Variants in CRACR2A observed in about 807,000 individuals in gnomAD.
CRACR2A encodes the protein calcium release activated channel regulator 2A, also known as EF-hand calcium-binding domain-containing protein 4B.
In CRACR2A, 79 loss-of-function variants were observed where a neutral mutation model predicts 90.5. The ratio of observed to expected loss-of-function variants is 0.87; its 90% CI spans 0.73 to 1.05. The LOEUF is 1.05. CRACR2A is among the 50% of genes least tolerant of loss of function. The probability of loss-of-function intolerance (pLI) is 0.00; values close to 1 mark genes in which losing one functional copy is unlikely to be tolerated. For synonymous variants in CRACR2A, 338 were observed against 356.7 expected (o/e 0.95, Z 0.59); for missense variants, 823 against 897.2 (o/e 0.92, Z 1.06).
chr12:3,649,447 C>T (rs752273228), intron 10 of CRACR2A, among the ~76,000 whole-genome samples: 1 of 152,162 alleles, frequency 6.6e-6, no homozygotes, highest in Admixed American at 6.5e-5. Flanking sequence ...GGAAGAATCA[C>T]CTTCTCTTTC....
intron 3 of CRACR2A, among the ~76,000 whole-genome samples, chr12:3,704,057 T>G (rs535002390): frequency 6.6e-6 from 1 of 152,382 alleles, no homozygotes; most frequent in Admixed American, 6.5e-5. Flanking sequence ...CCAGCCATCC[T>G]AGTCCTAAAT....
At chr12:3,697,086 G>T in intron 3 of CRACR2A, 51 bp from the exon 4 acceptor site, 1 of 1,499,988 alleles carries the variant, frequency 6.7e-7, no homozygotes, top group Non-Finnish European at 8.9e-7. Flanking sequence ...TTGGAGTGAG[G>T]CTGAAAAAGA....
chr12:3,659,663 G>A lies in CRACR2A; in HGVS notation c.672-9C>T, dbSNP rs1170621469. ...CATAAGCAGCAATTTTCCTACAGAG[G>A]TGGCAAAAGGAGAGTCTCATTGAGG... On this transcript the variant is annotated splice_polypyrimidine_tract_variant and intron_variant, in intron 7 of 19. Coordinates refer to ENST00000440314, the MANE Select transcript of CRACR2A (RefSeq NM_001144958.2). 2 of 1,612,886 alleles carry A rather than the reference G, an allele frequency of 1.2e-6. No homozygotes were observed. Among genetic ancestry groups the A allele is most frequent in the African/African-American group, 1.3e-5 (1 of 74,892 alleles).
intron 18 of CRACR2A, among the ~76,000 whole-genome samples, chr12:3,618,489 G>A (rs1211725517): frequency 6.6e-6 from 1 of 152,164 alleles, no homozygotes; most frequent in Non-Finnish European, 1.5e-5. Flanking sequence ...TTGTGGACAT[G>A]TAACTGTCTA....
At position 3,617,112 on chromosome 12, in the gene CRACR2A, AT is replaced by A. The variant is rs1286041294; in HGVS notation, c.2035-83del. 3 of 999,178 alleles carry A rather than the reference AT, an allele frequency of 3.0e-6. No homozygotes were observed. The African/African-American group carries it at 4.8e-5, about 16-fold the overall frequency. The allele number at this position is 999,178 out of a possible 1,614,324, so 61.9% of individuals were successfully genotyped here. A position where few individuals can be genotyped will look rare whatever the true frequency, so the allele number is the denominator to read the frequency against. ...GGGTGGTGGGAGAGCCCCCTTGTGC[AT>A]CTACCTACAGCCTTCACTTCCTCTC... On this transcript the variant is annotated intron_variant, in intron 18 of 19. Transcript: ENST00000440314.
chr12:3,704,529 T>C (rs746627237), intron 3 of CRACR2A, among the ~76,000 whole-genome samples: 1 of 152,156 alleles, frequency 6.6e-6, no homozygotes, highest in Non-Finnish European at 1.5e-5. Context: ...CAAATGTATA[T>C]TAAAACTGAT....
chr12:3,734,359 C>T (rs551287420), intron 1 of CRACR2A, among the ~76,000 whole-genome samples: 2 of 152,234 alleles, frequency 1.3e-5, no homozygotes, highest in African/African-American at 4.8e-5. Context: ...ATGTACCAGA[C>T]ACTTTGCTGG....
At chr12:3,655,941 C>G (rs1260272072) in intron 9 of CRACR2A, among the ~76,000 whole-genome samples, 3 of 152,178 alleles carry the variant, frequency 2.0e-5, no homozygotes. Context: ...GCAGCCTCCC[C>G]CCAGATATAG....
chr12:3,653,638 T>G (rs188889733), intron 10 of CRACR2A, among the ~76,000 whole-genome samples: 167 of 152,256 alleles, frequency 1.1e-3, no homozygotes, highest in African/African-American at 3.9e-3. Context: ...GATGTGGGGT[T>G]TCCCCCTACT....
At position 3,619,348 on chromosome 12, in the gene CRACR2A, C is replaced by G. The variant is rs573363304; in HGVS notation, c.1957G>C (p.Val653Leu). Residue 653 changes from valine (V) to leucine (L), a missense_variant, in exon 18 of 20, where the codon GTT (valine) becomes CTT (leucine). Coordinates refer to ENST00000440314, the MANE Select transcript of CRACR2A (RefSeq NM_001144958.2). ...VEEAVGDRVP[V>L]LLLGNKLDNE... The stretch of plus-strand genomic sequence containing the variant: ...TCAAGCTTATTACCCAGCAGAAGAA[C>G]AGGCACCCGGTCTCCCACAGCTTCC... 2 of 1,551,722 alleles carry G rather than the reference C, an allele frequency of 1.3e-6. No individual in the cohort carries two copies. The highest frequency in any genetic ancestry group is 1.2e-5 in the South Asian group (1 of 84,066).
chr12:3,733,413 A>T (rs1455584367), intron 1 of CRACR2A, among the ~76,000 whole-genome samples: 1 of 152,226 alleles, frequency 6.6e-6, no homozygotes, highest in Non-Finnish European at 1.5e-5. Flanking sequence ...TCATCCAGCC[A>T]AAACAATGCA....
intron 3 of CRACR2A, 36 bp from the exon 4 acceptor site, chr12:3,697,071 G>A: frequency 1.3e-6 from 2 of 1,518,544 alleles, no homozygotes; most frequent in South Asian, 1.2e-5. Flanking sequence ...AGTGGGTGTG[G>A]TGGGTTGGAG....
At chr12:3,669,965 C>T (rs1013186038) in intron 7 of CRACR2A, among the ~76,000 whole-genome samples, 3 of 152,220 alleles carry the variant, frequency 2.0e-5, no homozygotes, top group Non-Finnish European at 2.9e-5. Flanking sequence ...AAATTAGAGG[C>T]TATGCTGCCC....
intron 7 of CRACR2A, among the ~76,000 whole-genome samples, chr12:3,667,482 C>T (rs1354156728): frequency 6.6e-6 from 1 of 152,164 alleles, no homozygotes; most frequent in Non-Finnish European, 1.5e-5. Flanking sequence ...GGCTTGACTC[C>T]CATTCCCCCA....
intron 3 of CRACR2A, among the ~76,000 whole-genome samples, chr12:3,704,947 A>G (rs61908573): frequency 6.6e-6 from 1 of 152,192 alleles, no homozygotes; most frequent in African/African-American, 2.4e-5. Context: ...CCAGTGGAAA[A>G]CAAAACAGCA....
chr12:3,666,364 T>TGTGTGTGC (rs765943563), intron 7 of CRACR2A, among the ~76,000 whole-genome samples: 4 of 149,600 alleles, frequency 2.7e-5, no homozygotes, highest in South Asian at 4.3e-4. Context: ...TGCGTGCGTG[T>TGTGTGTGC]GCGCGTGCGC....
intron 4 of CRACR2A, among the ~76,000 whole-genome samples, chr12:3,686,167 A>G (rs1945549578): frequency 6.6e-6 from 1 of 152,244 alleles, no homozygotes; most frequent in Admixed American, 6.5e-5. Flanking sequence ...AAGTTAATTT[A>G]CTATAAAAAT....
chr12:3,635,360 C>T (rs974382295), intron 14 of CRACR2A, among the ~76,000 whole-genome samples: 10 of 152,042 alleles, frequency 6.6e-5, no homozygotes, highest in Admixed American at 5.9e-4. Flanking sequence ...CACCCTCCCT[C>T]CCTTCATGCT....
chr12:3,709,915 T>C (rs780262534), intron 3 of CRACR2A, among the ~76,000 whole-genome samples: 1 of 152,256 alleles, frequency 6.6e-6, no homozygotes, highest in Non-Finnish European at 1.5e-5. Context: ...TGATACAATA[T>C]GGACTACATG....
Sources: gnomAD v4.1 joint callset for allele counts (sites outside exome capture counted in the v4.1 genomes callset) on GRCh38, gnomAD v4.1.1 for gene constraint, MANE v1.5 for transcripts, NCBI Gene and HGNC (gene_info 2026-07-23, HGNC 2026-07-21) for gene names.